Variants in CLMN observed in about 807,000 individuals in gnomAD.
CLMN encodes the protein calmin (calponin-like, transmembrane).
In CLMN, 57 loss-of-function variants were observed where a neutral mutation model predicts 92.7. The ratio of observed to expected loss-of-function variants is 0.61; its 90% confidence interval spans 0.50 to 0.77. The LOEUF is 0.77. Ranked by LOEUF, CLMN falls within the 30% of genes least tolerant of loss-of-function variation. The pLI is 0.00. For synonymous variants in CLMN, 466 were observed against 470.6 expected (o/e 0.99, Z 0.13); for missense variants, 1,158 against 1,237.5 (o/e 0.94, Z 0.96).
chr14:95,198,316 C>T (rs1256714661), intron 9 of CLMN, among the ~76,000 whole-genome samples: 2 of 151,620 alleles, frequency 1.3e-5, no homozygotes, highest in Non-Finnish European at 2.9e-5. Context: ...TCCCAAAGGG[C>T]AGGGATTACA....
intron 1 of CLMN, among the ~76,000 whole-genome samples, chr14:95,248,079 C>G (rs1898641418): frequency 6.8e-6 from 1 of 148,024 alleles, no homozygotes; most frequent in Non-Finnish European, 1.5e-5. Flanking sequence ...AAAAGCAGCT[C>G]AACTAATTTC....
chr14:95,266,250 G>A lies in CLMN; in HGVS notation c.83-36117C>T, dbSNP rs560708695. Among the ~76,000 whole-genome samples the A allele has an allele frequency of 1.5e-4, 23 of 152,310 alleles. No homozygotes were observed. The South Asian group carries it at 4.1e-3, about 27-fold the overall frequency. On this transcript the variant is annotated intron_variant, in intron 1 of 12. Coordinates refer to ENST00000298912, the MANE Select transcript of CLMN (RefSeq NM_024734.4). The stretch of plus-strand genomic sequence containing the variant: ...AACGAAGGGCATCCAAATGGAAAAC[G>A]AAGTCAAGTTATCCTTGTCTTTAAA...
At chr14:95,299,887 G>A (rs1046869527) in intron 1 of CLMN, among the ~76,000 whole-genome samples, 2 of 152,204 alleles carry the variant, frequency 1.3e-5, no homozygotes, top group Admixed American at 1.3e-4. Context: ...AGTGCCAAGT[G>A]ACAGGAGTTT....
intron 3 of CLMN, among the ~76,000 whole-genome samples, chr14:95,222,226 C>T (rs987148823): frequency 4.6e-5 from 7 of 152,286 alleles, no homozygotes; most frequent in East Asian, 1.9e-4. Context: ...ATCATCCAGC[C>T]GAGGTCCTCC....
At chr14:95,221,339 G>T (rs1243610774) in intron 4 of CLMN, among the ~76,000 whole-genome samples, 1 of 152,174 alleles carries the variant, frequency 6.6e-6, no homozygotes, top group Non-Finnish European at 1.5e-5. Context: ...CCAAGAGAAA[G>T]TTCTACACTC....
At chr14:95,196,793 G>A (rs374689735) in intron 9 of CLMN, 99 bp from the exon 10 acceptor site, 26 of 1,151,112 alleles carry the variant, frequency 2.3e-5, no homozygotes, top group South Asian at 3.1e-5. Context: ...CAGCCAGGGC[G>A]TCCCTTCCAA....
At chr14:95,225,992 C>T (rs1001369609) in intron 2 of CLMN, among the ~76,000 whole-genome samples, 6 of 152,124 alleles carry the variant, frequency 3.9e-5, no homozygotes, top group Non-Finnish European at 2.9e-5. Flanking sequence ...CTCTGTTCCC[C>T]GGAACCTTAG....
At chr14:95,299,878 G>A (rs1900970655) in intron 1 of CLMN, among the ~76,000 whole-genome samples, 1 of 152,138 alleles carries the variant, frequency 6.6e-6, no homozygotes, top group African/African-American at 2.4e-5. Flanking sequence ...TCTGTGTTAA[G>A]TGCCAAGTGA....
At chr14:95,228,082 A>C (rs921754595) in intron 2 of CLMN, among the ~76,000 whole-genome samples, 1 of 152,216 alleles carries the variant, frequency 6.6e-6, no homozygotes, top group African/African-American at 2.4e-5. Context: ...AAATGCGAAC[A>C]GAGGTTCATT....
At chr14:95,282,783 G>A (rs1202468936) in intron 1 of CLMN, among the ~76,000 whole-genome samples, 1 of 152,286 alleles carries the variant, frequency 6.6e-6, no homozygotes, top group African/African-American at 2.4e-5. Context: ...AAGCAGTGGA[G>A]AGTTCTAAAG....
chr14:95,210,617 C>T, intron 7 of CLMN, 69 bp downstream of exon 7: 1 of 1,503,448 alleles, frequency 6.7e-7, no homozygotes. Context: ...TCCAGATTTT[C>T]CACATGGGAC....
chr14:95,269,642 C>T (rs578189114), intron 1 of CLMN, among the ~76,000 whole-genome samples: 25 of 152,328 alleles, frequency 1.6e-4, no homozygotes, highest in Admixed American at 5.2e-4. Flanking sequence ...AACCTGAACC[C>T]CACCAGGCTC....
chr14:95,318,760 G>A (rs1197702894), intron 1 of CLMN, among the ~76,000 whole-genome samples: 2 of 152,100 alleles, frequency 1.3e-5, no homozygotes, highest in African/African-American at 4.8e-5. Flanking sequence ...GCCGGAAGTG[G>A]TGTTCTGTCT....
chr14:95,252,319 T>A (rs879594681), intron 1 of CLMN, among the ~76,000 whole-genome samples: 4 of 152,118 alleles, frequency 2.6e-5, no homozygotes, highest in Non-Finnish European at 5.9e-5. Context: ...AAAGTGGGGA[T>A]AATGAGAGCC....
intron 1 of CLMN, among the ~76,000 whole-genome samples, chr14:95,283,782 T>C (rs183899393): frequency 1.0e-3 from 157 of 152,308 alleles, no homozygotes; most frequent in Non-Finnish European, 1.7e-3. Context: ...TGGGCACTGT[T>C]AAAGGCATTC....
intron 1 of CLMN, among the ~76,000 whole-genome samples, chr14:95,249,800 A>G (rs1281944231): frequency 1.3e-5 from 2 of 152,142 alleles, no homozygotes; most frequent in African/African-American, 2.4e-5. Context: ...TCACTGTGTT[A>G]GCCAGGGTGG....
chr14:95,236,125 C>A (rs1421433835), intron 1 of CLMN, among the ~76,000 whole-genome samples: 2 of 152,236 alleles, frequency 1.3e-5, no homozygotes, highest in Non-Finnish European at 2.9e-5. Flanking sequence ...AACATTCCTG[C>A]GCAGCTGCTC....
intron 1 of CLMN, among the ~76,000 whole-genome samples, chr14:95,301,307 C>T (rs118155288): frequency 0.013 from 1,941 of 152,336 alleles, 26 homozygotes; most frequent in Middle Eastern, 0.02. Flanking sequence ...GCCTATTACC[C>T]TACCAGCTCT....
Position 95,286,863 on chromosome 14 carries a change from A to C in CLMN, c.82+32848T>G, listed in dbSNP as rs185738377. On this transcript the variant is annotated intron_variant, in intron 1 of 12. Coordinates refer to ENST00000298912, the MANE Select transcript of CLMN (RefSeq NM_024734.4). ...GTCTCACTCAACACCTGTGTGTGCC[A>C]GCCTCTGCTCACCACGTGACCCCAC... 2.3e-3 allele frequency among the ~76,000 whole-genome samples: 352 copies of C among 152,340 alleles called. 12 individuals carry two copies. The highest frequency in any genetic ancestry group is 0.021 in the Admixed American group (314 of 15,304).
Sources: gnomAD v4.1 joint callset for allele counts (sites outside exome capture counted in the v4.1 genomes callset) on GRCh38, gnomAD v4.1.1 for gene constraint, MANE v1.5 for transcripts, NCBI Gene and HGNC (gene_info 2026-07-23, HGNC 2026-07-21) for gene names.